The following TBC1D9 variants were observed in gnomAD, a reference collection of about 807,000 sequenced individuals.
The protein encoded by TBC1D9 is TBC1 domain family member 9.
Under a neutral mutation model 132.0 loss-of-function variants are expected in TBC1D9, and 63 were observed. That is an observed-to-expected ratio of 0.48 (90% CI 0.39 to 0.59). TBC1D9 has a LOEUF of 0.59. Among genes scored for constraint, TBC1D9 ranks in the 20% least tolerant of loss-of-function variants. The probability of loss-of-function intolerance (pLI) is 0.00; values close to 1 mark genes in which losing one functional copy is unlikely to be tolerated. For missense variants in TBC1D9, 1,261 were observed against 1,592.7 expected (o/e 0.79, Z 3.54); for synonymous variants, 610 against 609.9 (o/e 1.00, Z 0.00).
chr4:140,679,559 A>G, intron 4 of TBC1D9, 56 bp downstream of exon 4: 2 of 1,300,124 alleles, frequency 1.5e-6, no homozygotes, highest in South Asian at 1.3e-5. Context: ...TTATGAGTTC[A>G]GGGCAAACCT....
At position 140,628,977 on chromosome 4, in the gene TBC1D9, A is replaced by G. The variant is rs1380637484; in HGVS notation, c.2747-612T>C. ...CTCAAAGTCCATATTTATTGCTAGA[A>G]CCAGAAAATCCTTTGTAAATATATA... On this transcript the variant is annotated intron_variant, in intron 16 of 20. Transcript: ENST00000442267. 7.9e-5 allele frequency among the ~76,000 whole-genome samples: 12 copies of G among 152,212 alleles called. No individual in the cohort carries two copies. In the East Asian group the frequency reaches 2.3e-3, roughly 29 times the overall value.
At chr4:140,687,345 TATATATA>T (rs1560885836) in intron 2 of TBC1D9, among the ~76,000 whole-genome samples, 10 of 11,584 alleles carry the variant, frequency 8.6e-4, no homozygotes, top group African/African-American at 6.1e-3. Context: ...GTGTGTGTCA[TATATATA>T]TATATATATA....
intron 2 of TBC1D9, 149 bp from the exon 3 acceptor site, chr4:140,686,611 G>GAC: frequency 3.5e-6 from 2 of 575,056 alleles, no homozygotes; most frequent in Non-Finnish European, 6.1e-6. Flanking sequence ...CTCCAGAGGA[G>GAC]ACACACACAC....
chr4:140,724,021 G>GAT (rs1462541465), intron 1 of TBC1D9, among the ~76,000 whole-genome samples: 19 of 152,340 alleles, frequency 1.2e-4, no homozygotes, highest in East Asian at 1.2e-3. Flanking sequence ...GGGATTACAG[G>GAT]TGTGAGCCAG....
chr4:140,659,684 C>T lies in TBC1D9; in HGVS notation c.1825G>A (p.Val609Met). The T allele has an allele frequency of 1.2e-6, 2 of 1,605,684 alleles. No individual in the cohort carries two copies. The highest frequency in any genetic ancestry group is 1.7e-6 in the Non-Finnish European group (2 of 1,176,026). ...YCQAMNIVTSVLLLYAKEEEA... is the reference protein window; with the variant it reads ...YCQAMNIVTSMLLLYAKEEEA... Reference sequence around the variant, plus strand: ...TCCTCTTTGGCATAAAGCAGCAGCACTGAAGTGACAATATTCATGGCCTAA... The same window carrying T: ...TCCTCTTTGGCATAAAGCAGCAGCATTGAAGTGACAATATTCATGGCCTAA... The change falls in exon 11 of 21, where the codon GTG becomes ATG. Residue 609 changes from valine to methionine, a missense_variant. Physicochemically the swap from Val to Met is conservative, Grantham distance 21 (BLOSUM62 1). Coordinates refer to ENST00000442267, the MANE Select transcript of TBC1D9 (RefSeq NM_015130.3).
At chr4:140,735,718 T>C (rs1409154216) in intron 1 of TBC1D9, among the ~76,000 whole-genome samples, 1 of 152,066 alleles carries the variant, frequency 6.6e-6, no homozygotes, top group African/African-American at 2.4e-5. Context: ...CTTAAATAAG[T>C]AAATAAAAAT....
intron 9 of TBC1D9, among the ~76,000 whole-genome samples, chr4:140,668,323 T>C (rs190152221): frequency 5.3e-5 from 8 of 152,328 alleles, no homozygotes; most frequent in African/African-American, 1.9e-4. Context: ...CACTGGTCCA[T>C]GGAAGTGTCC....
At chr4:140,630,757 G>T (rs778412522) in intron 16 of TBC1D9, among the ~76,000 whole-genome samples, 4 of 152,046 alleles carry the variant, frequency 2.6e-5, no homozygotes, top group Non-Finnish European at 4.4e-5. Context: ...CCTTCATGTG[G>T]CCCCACCCAT....
chr4:140,639,583 C>G (rs1011860322), intron 13 of TBC1D9, among the ~76,000 whole-genome samples, 155 bp from the exon 14 acceptor site: 5 of 152,064 alleles, frequency 3.3e-5, no homozygotes, highest in Non-Finnish European at 5.9e-5. Context: ...TGTTTTAAAG[C>G]CACCGAGCAA....
chr4:140,643,615 C>T (rs1737047773), intron 13 of TBC1D9: 1 of 959,814 alleles, frequency 1.0e-6, no homozygotes, highest in East Asian at 2.6e-5. Context: ...GGCGCTGCCT[C>T]TGCCGCAGGA....
At chr4:140,659,346 A>G (rs1412685951) in intron 11 of TBC1D9, 3 of 320,048 alleles carry the variant, frequency 9.4e-6, no homozygotes, top group Non-Finnish European at 1.7e-5. Flanking sequence ...ACACACACAC[A>G]TGAAATATTT....
chr4:140,702,064 CAG>C (rs567569309), intron 1 of TBC1D9, among the ~76,000 whole-genome samples: 82 of 152,314 alleles, frequency 5.4e-4, no homozygotes, highest in African/African-American at 1.9e-3. Flanking sequence ...GGCCGGGAAA[CAG>C]AGGGATCTTC....
chr4:140,726,959 C>T (rs1489998643), intron 1 of TBC1D9, among the ~76,000 whole-genome samples: 7 of 152,196 alleles, frequency 4.6e-5, no homozygotes. Flanking sequence ...TCAACCCAGT[C>T]ATAAATCCAA....
intron 10 of TBC1D9, 21 bp downstream of exon 10, chr4:140,661,872 A>G: frequency 6.3e-7 from 1 of 1,596,058 alleles, no homozygotes; most frequent in South Asian, 1.1e-5. Flanking sequence ...TTTTTTAGCA[A>G]AAACCACCTG....
intron 1 of TBC1D9, among the ~76,000 whole-genome samples, chr4:140,707,841 C>T (rs1381341119): frequency 2.6e-5 from 4 of 152,004 alleles, no homozygotes; most frequent in Non-Finnish European, 4.4e-5. Context: ...CTGTTTTCTC[C>T]GGCACGCTCC....
intron 2 of TBC1D9, among the ~76,000 whole-genome samples, chr4:140,686,947 T>G (rs1348087348): frequency 6.6e-6 from 1 of 152,086 alleles, no homozygotes; most frequent in African/African-American, 2.4e-5. Flanking sequence ...CTCACTCACT[T>G]CAATTATGAA....
At chr4:140,725,565 C>T (rs909740105) in intron 1 of TBC1D9, among the ~76,000 whole-genome samples, 8 of 152,064 alleles carry the variant, frequency 5.3e-5, no homozygotes, top group Non-Finnish European at 1.2e-4. Flanking sequence ...AAAGTGCATG[C>T]TTTTTACAAC....
intron 10 of TBC1D9, among the ~76,000 whole-genome samples, chr4:140,660,580 G>T (rs1415940576): frequency 2.6e-5 from 4 of 152,174 alleles, no homozygotes; most frequent in Admixed American, 2.0e-4. Context: ...CATGATGATG[G>T]TCCCTGCCAG....
intron 16 of TBC1D9, among the ~76,000 whole-genome samples, chr4:140,633,721 C>T (rs1736832830): frequency 6.6e-6 from 1 of 152,064 alleles, no homozygotes; most frequent in South Asian, 2.1e-4. Flanking sequence ...TTTATGTTGG[C>T]ATTTCATTGT....
Sources: allele counts gnomAD v4.1 joint callset (sites outside exome capture counted in the v4.1 genomes callset), GRCh38; gene constraint gnomAD v4.1.1; transcripts MANE v1.5; gene names NCBI Gene and HGNC (gene_info 2026-07-23, HGNC 2026-07-21).